The following UPF2 variants were observed in gnomAD, a reference collection of about 807,000 sequenced individuals.
UPF2 encodes UPF2 regulator of nonsense mediated mRNA decay.
UPF2 carries 17 observed loss-of-function variants against 141.4 expected under a neutral mutation model. The observed-to-expected ratio is 0.12, with a 90% confidence interval of 0.08 to 0.18. The LOEUF (loss-of-function observed/expected upper bound fraction) is 0.18, where lower values mean the gene tolerates loss of function less well. UPF2 is among the 10% of genes least tolerant of loss of function. The pLI is 1.00. For synonymous variants in UPF2, 540 were observed against 498.0 expected, an observed-to-expected ratio of 1.08 and a Z score of -1.12; for missense variants, 1,152 against 1,515.9, an observed-to-expected ratio of 0.76 and a Z score of 3.99.
At chr10:11,997,115 T>C (rs1588559974) in intron 8 of UPF2, among the ~76,000 whole-genome samples, 1 of 152,230 alleles carries the variant, frequency 6.6e-6, no homozygotes. Flanking sequence ...TAATGTAATA[T>C]AATGCATCAG....
At chr10:11,925,871 T>A (rs1231200649) in intron 21 of UPF2, among the ~76,000 whole-genome samples, 1 of 152,108 alleles carries the variant, frequency 6.6e-6, no homozygotes, top group Admixed American at 6.6e-5. Flanking sequence ...GGGAACCAAG[T>A]TGAGGAGTTT....
chr10:11,944,591 A>G (rs1416435776), intron 16 of UPF2, among the ~76,000 whole-genome samples: 1 of 152,224 alleles, frequency 6.6e-6, no homozygotes, highest in African/African-American at 2.4e-5. Flanking sequence ...TAAATTTGCA[A>G]TAGAGGTACT....
rs111264998 is a variant in UPF2, at chr10:12,003,614, G to A, written c.1504+916C>T. Among the ~76,000 whole-genome samples, 249 of 152,244 alleles carry A rather than the reference G, an allele frequency of 1.6e-3. 1 individual carries two copies. The highest frequency in any genetic ancestry group is 5.5e-3 in the African/African-American group (230 of 41,558). Reference sequence around the variant, plus strand: ...TTATTCAAGGACATCAGGTAGGCAGGAGAGTAAAATTAACGTTTAGGAATG... The same window carrying A: ...TTATTCAAGGACATCAGGTAGGCAGAAGAGTAAAATTAACGTTTAGGAATG... On this transcript the variant is annotated intron_variant, in intron 5 of 21. Transcript: ENST00000357604.
chr10:12,034,467 C>T (rs1051718994), intron 2 of UPF2, among the ~76,000 whole-genome samples: 2 of 151,996 alleles, frequency 1.3e-5, no homozygotes, highest in Non-Finnish European at 2.9e-5. Flanking sequence ...GGACTACAGG[C>T]ATGCGCCACC....
At position 12,001,764 on chromosome 10, in the gene UPF2, C is replaced by T; in HGVS notation, c.1566G>A (p.Leu522=). The change falls in exon 6 of 22, where the codon TTG becomes TTA. Residue 522 remains leucine, a synonymous_variant. Transcript: ENST00000357604. ...VSSPDDLELE[L]ENLEINDDTL... ...TGTCATCATTAATTTCTAGATTCTC[C>T]AACTCAAGTTCCAAATCATCGGGAC... The T allele has an allele frequency of 6.2e-7, 1 of 1,612,674 alleles. No individual in the cohort carries two copies. Among genetic ancestry groups the T allele is most frequent in the Non-Finnish European group, 8.5e-7 (1 of 1,179,488 alleles).
Position 12,029,236 on chromosome 10 carries a change from A to G in UPF2, c.654T>C (p.Asp218=). The G allele has an allele frequency of 6.2e-7, 1 of 1,614,186 alleles. No homozygotes were observed. Among genetic ancestry groups the G allele is most frequent in the Non-Finnish European group, 8.5e-7 (1 of 1,180,028 alleles). ...AGCAGAGGTGCACAGCACAGTTCAC[A>G]TCAGAGATTTTTAGTTTTGCTTCCA... The part of the protein sequence containing the change: ...SIVEAKLKIS[D]VNCAVHLCSL... Residue 218 remains aspartate, a synonymous_variant, in exon 3 of 22, where the codon GAT becomes GAC. Transcript: ENST00000357604.
intron 9 of UPF2, among the ~76,000 whole-genome samples, chr10:11,969,060 C>T (rs1042595602): frequency 6.6e-6 from 1 of 151,912 alleles, no homozygotes; most frequent in African/African-American, 2.4e-5. Context: ...TGGGGTTTCA[C>T]AGTGTTGCCC....
chr10:12,036,862 C>T lies in UPF2; in HGVS notation c.-18-1421G>A, dbSNP rs142688703. ...CTAACATGGAGAAATCTCGTCTCTA[C>T]TAAAAATATAAAATTAGACGGGTAT... is the stretch of plus-strand genomic sequence containing the variant. On this transcript the variant is annotated intron_variant, in intron 1 of 21. Coordinates refer to ENST00000357604, the MANE Select transcript of UPF2 (RefSeq NM_015542.4). 7.3e-3 allele frequency among the ~76,000 whole-genome samples: 1,110 copies of T among 152,142 alleles called. 12 individuals are homozygous for T. Among genetic ancestry groups the T allele is most frequent in the African/African-American group, 0.025 (1,038 of 41,488 alleles).
chr10:11,982,867 C>G (rs965205558), intron 8 of UPF2, among the ~76,000 whole-genome samples: 7 of 152,122 alleles, frequency 4.6e-5, no homozygotes, highest in Admixed American at 2.6e-4. Flanking sequence ...CGATCCACCC[C>G]CCTCAGCCTC....
chr10:11,975,269 A>G (rs1833487783), intron 9 of UPF2, among the ~76,000 whole-genome samples: 1 of 152,146 alleles, frequency 6.6e-6, no homozygotes, highest in African/African-American at 2.4e-5. Flanking sequence ...TCTTAAAACA[A>G]AACAAAAAGC....
chr10:12,003,456 G>A (rs972299793), intron 5 of UPF2, among the ~76,000 whole-genome samples: 1 of 152,142 alleles, frequency 6.6e-6, no homozygotes, highest in Non-Finnish European at 1.5e-5. Context: ...GCAAGAAGAT[G>A]GGCCCATTTC....
At chr10:11,975,294 C>T (rs1475231804) in intron 9 of UPF2, among the ~76,000 whole-genome samples, 1 of 152,076 alleles carries the variant, frequency 6.6e-6, no homozygotes. Context: ...CCCCTCATCA[C>T]TAAAGAAGTA....
rs1449643360 is a variant in UPF2, at chr10:11,942,626, G to A, written c.3378+39C>T. ...AGAATGTAATGGGCTGCAATGTTTT[G>A]TATTGAGAAGAGTCTTTGAAACAAA... On this transcript the variant is annotated intron_variant, in intron 18 of 21. Transcript: ENST00000357604. 2.5e-6 allele frequency: 4 copies of A among 1,574,474 alleles called. No individual in the cohort carries two copies. The South Asian group carries it at 3.3e-5, about 13-fold the overall frequency.
intron 5 of UPF2, 103 bp downstream of exon 5, chr10:12,004,427 T>C: frequency 4.4e-6 from 4 of 898,908 alleles, no homozygotes; most frequent in Non-Finnish European, 6.5e-6. Flanking sequence ...ATGTTCATAT[T>C]ACAAAACTAG....
At chr10:12,039,165 G>A (rs1834688960) in intron 1 of UPF2, among the ~76,000 whole-genome samples, 1 of 152,056 alleles carries the variant, frequency 6.6e-6, no homozygotes, top group Non-Finnish European at 1.5e-5. Context: ...TATGAGGTGG[G>A]TATTATTTTC....
At chr10:11,990,926 T>C (rs1439147036) in intron 8 of UPF2, among the ~76,000 whole-genome samples, 6 of 149,358 alleles carry the variant, frequency 4.0e-5, no homozygotes, top group Non-Finnish European at 8.9e-5. Flanking sequence ...AGGCGGAGCT[T>C]GCAGTGAGCC....
intron 11 of UPF2, among the ~76,000 whole-genome samples, chr10:11,960,140 A>C (rs980805469): frequency 5.9e-5 from 9 of 152,200 alleles, no homozygotes; most frequent in African/African-American, 2.2e-4. Flanking sequence ...TCTGGCCTCT[A>C]CCCACTAGAT....
chr10:12,023,688 TAAA>T (rs111568431), intron 3 of UPF2, among the ~76,000 whole-genome samples: 1 of 134,916 alleles, frequency 7.4e-6, no homozygotes, highest in Non-Finnish European at 1.6e-5. Context: ...AGACTCCATC[TAAA>T]AAAAAAAAAA....
intron 3 of UPF2, among the ~76,000 whole-genome samples, chr10:12,022,783 T>C (rs564416569): frequency 3.5e-4 from 54 of 152,366 alleles, no homozygotes; most frequent in African/African-American, 1.3e-3. Flanking sequence ...CATTTCATTA[T>C]TGGCTGATGT....
Sources: allele counts gnomAD v4.1 joint callset (sites outside exome capture counted in the v4.1 genomes callset), GRCh38; gene constraint gnomAD v4.1.1; transcripts MANE v1.5; gene names NCBI Gene and HGNC (gene_info 2026-07-23, HGNC 2026-07-21).